UBAP2: variants seen among roughly 807,000 people sequenced by gnomAD.
The protein encoded by UBAP2 is ubiquitin-associated protein 2.
UBAP2 carries 75 observed loss-of-function variants against 139.6 expected under a neutral mutation model. The ratio of observed to expected loss-of-function variants is 0.54; its 90% CI spans 0.45 to 0.65. The LOEUF (loss-of-function observed/expected upper bound fraction) is 0.65. UBAP2 is among the 30% of genes least tolerant of loss of function. UBAP2 has a pLI of 0.00. For synonymous variants in UBAP2, 526 were observed against 526.2 expected (o/e 1.00, Z 0.01); for missense variants, 1,368 against 1,369.6 (o/e 1.00, Z 0.02).
Position 33,956,088 on chromosome 9 carries a change from G to A in UBAP2, c.857C>T (p.Pro286Leu), listed in dbSNP as rs1826538166. Residue 286 changes from proline (P) to leucine (L), a missense_variant, in exon 11 of 29, where the codon CCT (proline) becomes CTT (leucine). Pro to Leu is a moderately conservative substitution (Grantham distance 98). Transcript: ENST00000379238. ...SSAPAENHIL[P>L]GQSIDLVALL... ...GGCAAAAAGTATTTACCTTTGCCCA[G>A]GTAAGATGTGATTCTCTGCTGGAGC... 1 of 1,612,570 alleles carries A rather than the reference G, an allele frequency of 6.2e-7. No homozygotes were observed. The highest frequency in any genetic ancestry group is 8.5e-7 in the Non-Finnish European group (1 of 1,179,178).
At chr9:33,987,317 CAGG>C (rs1450723104) in intron 5 of UBAP2, among the ~76,000 whole-genome samples, 3 of 152,070 alleles carry the variant, frequency 2.0e-5, no homozygotes, top group Admixed American at 2.0e-4. Flanking sequence ...GAGGCTAAGG[CAGG>C]AGAATTGCTT....
At chr9:34,018,549 T>C (rs141648325) in intron 1 of UBAP2, among the ~76,000 whole-genome samples, 1 of 152,222 alleles carries the variant, frequency 6.6e-6, no homozygotes, top group East Asian at 1.9e-4. Context: ...CTCAAAGAGA[T>C]GCTTGTACTT....
Position 33,923,436 on chromosome 9 carries a change from T to C in UBAP2, c.2839A>G (p.Thr947Ala). The C allele has an allele frequency of 6.2e-7, 1 of 1,613,166 alleles. No homozygotes were observed. The highest frequency in any genetic ancestry group is 8.5e-7 in the Non-Finnish European group (1 of 1,179,898). Reference protein sequence around the residue: ...SAKQHGVNLSTPTPPFQQASG... With the variant: ...SAKQHGVNLSAPTPPFQQASG... ...GCCTGCTGGAAGGGAGGTGTGGGAG[T>C]GCTGAGGTTCACCCCATGTTGCTTG... The change falls in exon 25 of 29, where the codon ACT becomes GCT. Residue 947 changes from threonine (T) to alanine (A), a missense_variant. Physicochemically the swap from Thr to Ala is moderately conservative, Grantham distance 58. Coordinates refer to ENST00000379238, the MANE Select transcript of UBAP2 (RefSeq NM_001370062.2).
chr9:33,978,497 G>A (rs931677916), intron 6 of UBAP2, among the ~76,000 whole-genome samples: 1 of 152,144 alleles, frequency 6.6e-6, no homozygotes, highest in African/African-American at 2.4e-5. Context: ...ACTAGGCCGG[G>A]TGCAGTGGCT....
At chr9:34,046,536 C>T (rs370740927) in intron 1 of UBAP2, among the ~76,000 whole-genome samples, 1 of 148,830 alleles carries the variant, frequency 6.7e-6, no homozygotes, top group African/African-American at 2.5e-5. Flanking sequence ...GCCAGCTACT[C>T]GGGAGGCTGA....
At chr9:33,984,888 T>C (rs567659890) in intron 6 of UBAP2, among the ~76,000 whole-genome samples, 7 of 152,300 alleles carry the variant, frequency 4.6e-5, no homozygotes, top group South Asian at 4.1e-4. Context: ...AACAGGAAGA[T>C]TGCCTGAACC....
chr9:33,954,392 C>G (rs1034450780), intron 11 of UBAP2, among the ~76,000 whole-genome samples: 1 of 151,968 alleles, frequency 6.6e-6, no homozygotes, highest in Non-Finnish European at 1.5e-5. Context: ...AAACACCCCC[C>G]AGACAGATAT....
intron 17 of UBAP2, 79 bp from the exon 18 acceptor site, chr9:33,933,707 A>G (rs874572): frequency 0.16 from 253,665 of 1,564,466 alleles, 22,690 homozygotes; most frequent in South Asian, 0.33. Context: ...AATATGCTCA[A>G]TATCTTGTGA....
intron 1 of UBAP2, among the ~76,000 whole-genome samples, chr9:34,022,847 A>C (rs937580347): frequency 3.3e-5 from 5 of 152,180 alleles, no homozygotes; most frequent in African/African-American, 1.2e-4. Flanking sequence ...CTTTTTAAGA[A>C]GTGAGTAGTT....
chr9:34,015,971 G>A (rs985660210), intron 2 of UBAP2, among the ~76,000 whole-genome samples: 1 of 152,080 alleles, frequency 6.6e-6, no homozygotes. Flanking sequence ...GCCCAGCAAA[G>A]GCAGCTTTTT....
At chr9:33,982,735 T>G (rs1211031749) in intron 6 of UBAP2, among the ~76,000 whole-genome samples, 1 of 152,184 alleles carries the variant, frequency 6.6e-6, no homozygotes, top group East Asian at 1.9e-4. Flanking sequence ...GTCTGTTAAC[T>G]TTTATTTATT....
At chr9:34,039,217 G>T (rs1278274070) in intron 1 of UBAP2, among the ~76,000 whole-genome samples, 1 of 149,080 alleles carries the variant, frequency 6.7e-6, no homozygotes, top group Non-Finnish European at 1.5e-5. Context: ...CCGGCCAGCC[G>T]CCCCGTTGGG....
chr9:33,922,378 C>T lies in UBAP2; in HGVS notation c.*126G>A. ...AGTAGCCAGTCTGGGAGGCAGACTC[C>T]CCACAGAGGCATGGCTGACACATGT... On this transcript the variant is annotated 3_prime_UTR_variant, in exon 29 of 29. Transcript: ENST00000379238. 1.1e-6 allele frequency: 1 copy of T among 910,026 alleles called. No homozygotes were observed. Among genetic ancestry groups the T allele is most frequent in the Non-Finnish European group, 1.8e-6 (1 of 566,924 alleles). The allele number at this position is 910,026 out of a possible 1,614,324, so 56.4% of individuals were successfully genotyped here. A position where few individuals can be genotyped will look rare whatever the true frequency, so the allele number is the denominator to read the frequency against.
At chr9:33,937,473 G>GAC (rs1824656294) in intron 16 of UBAP2, among the ~76,000 whole-genome samples, 1 of 151,660 alleles carries the variant, frequency 6.6e-6, no homozygotes, top group African/African-American at 2.4e-5. Flanking sequence ...TAGGTGGGGT[G>GAC]ACACACACCT....
At chr9:34,014,416 C>A (rs1015615306) in intron 2 of UBAP2, among the ~76,000 whole-genome samples, 25 of 148,970 alleles carry the variant, frequency 1.7e-4, no homozygotes, top group African/African-American at 6.2e-4. Flanking sequence ...GTCACTTGGG[C>A]TCAGGTGTTG....
Position 33,944,566 on chromosome 9 carries a change from T to A in UBAP2, c.1344A>T (p.Ala448=), listed in dbSNP as rs778338178. Residue 448 remains alanine, a synonymous_variant, in exon 14 of 29, where the codon GCA becomes GCT. Transcript: ENST00000379238. ...CCAAACCAGGAGGAGGAACAGTGAC[T>A]GCCTGGCTCTGGTGCTGTTGTCGCT... ...LSQRQQHQSQ[A]VTVPPPGLES... is the part of the protein sequence containing the mutation. The A allele has an allele frequency of 1.2e-6, 2 of 1,614,056 alleles. No individual in the cohort carries two copies. Among genetic ancestry groups the A allele is most frequent in the Admixed American group, 1.7e-5 (1 of 59,998 alleles).
intron 16 of UBAP2, chr9:33,938,976 G>A (rs1824843200): frequency 2.3e-6 from 1 of 442,370 alleles, no homozygotes; most frequent in South Asian, 1.6e-5. Context: ...AGGAAGGGAG[G>A]ATGATCCATC....
intron 8 of UBAP2, among the ~76,000 whole-genome samples, chr9:33,968,826 A>C (rs1184312648): frequency 6.6e-6 from 1 of 152,196 alleles, no homozygotes; most frequent in African/African-American, 2.4e-5. Context: ...ACTCATTTGT[A>C]GTCACTCACC....
chr9:34,024,998 A>AG (rs1825288417), intron 1 of UBAP2, among the ~76,000 whole-genome samples: 1 of 152,084 alleles, frequency 6.6e-6, no homozygotes, highest in Non-Finnish European at 1.5e-5. Flanking sequence ...AAAAAAAAAA[A>AG]CTTCTGATAA....
Sources: gnomAD v4.1 joint callset for allele counts (sites outside exome capture counted in the v4.1 genomes callset) on GRCh38, gnomAD v4.1.1 for gene constraint, MANE v1.5 for transcripts, NCBI Gene and HGNC (gene_info 2026-07-23, HGNC 2026-07-21) for gene names.